Variants in KCNH7 observed in about 807,000 individuals in gnomAD.
KCNH7 encodes voltage-gated inwardly rectifying potassium channel KCNH7.
A neutral mutation model predicts 120.8 loss-of-function variants in KCNH7; 49 were observed. That is an observed-to-expected ratio of 0.41 (90% confidence interval 0.32 to 0.51). The LOEUF is 0.51. Among genes scored for constraint, KCNH7 ranks in the 20% least tolerant of loss-of-function variants. The pLI, the probability that KCNH7 is intolerant of heterozygous loss-of-function variation, is 0.38. For synonymous variants in KCNH7, 547 were observed against 516.1 expected (o/e 1.06, Z -0.81); for missense variants, 1,097 against 1,446.6 (o/e 0.76, Z 3.92).
intron 2 of KCNH7, among the ~76,000 whole-genome samples, chr2:162,587,525 T>A (rs78952059): frequency 0.043 from 6,526 of 152,106 alleles, 276 homozygotes; most frequent in East Asian, 0.1. Context: ...TAGAATTTTT[T>A]TAAAAAAATA....
chr2:162,392,237 G>A (rs971719325), intron 12 of KCNH7, among the ~76,000 whole-genome samples: 5 of 151,782 alleles, frequency 3.3e-5, no homozygotes, highest in African/African-American at 1.2e-4. Flanking sequence ...GATAAAAAAA[G>A]TAATTTTAGT....
At chr2:162,583,666 A>G (rs1303328471) in intron 2 of KCNH7, among the ~76,000 whole-genome samples, 1 of 152,136 alleles carries the variant, frequency 6.6e-6, no homozygotes, top group African/African-American at 2.4e-5. Flanking sequence ...ACAGTTCCTA[A>G]CAGATTTATA....
At chr2:162,736,891 T>C (rs1039928824) in intron 2 of KCNH7, among the ~76,000 whole-genome samples, 7 of 152,170 alleles carry the variant, frequency 4.6e-5, no homozygotes, top group African/African-American at 9.7e-5. Flanking sequence ...ACTTTTTTTT[T>C]CCTGAGGATT....
At chr2:162,510,837 C>T (rs1243932826) in intron 5 of KCNH7, among the ~76,000 whole-genome samples, 1 of 151,608 alleles carries the variant, frequency 6.6e-6, no homozygotes, top group African/African-American at 2.4e-5. Flanking sequence ...GAGGCAGACA[C>T]TTAAACATTG....
intron 6 of KCNH7, among the ~76,000 whole-genome samples, chr2:162,467,052 C>T (rs1468625569): frequency 1.3e-5 from 2 of 152,082 alleles, no homozygotes; most frequent in African/African-American, 2.4e-5. Context: ...TTTCCTATGA[C>T]AGTGGGAGGC....
chr2:162,604,559 A>ATATGT (rs1358568323), intron 2 of KCNH7, among the ~76,000 whole-genome samples: 1 of 151,968 alleles, frequency 6.6e-6, no homozygotes, highest in African/African-American at 2.4e-5. Flanking sequence ...TATACTTTAT[A>ATATGT]GGCAATATAC....
rs778850116 is a variant in KCNH7, at chr2:162,435,241, C to T, written c.1911G>A (p.Thr637=). 5 of 1,613,290 alleles carry T rather than the reference C, an allele frequency of 3.1e-6. No individual in the cohort carries two copies. In the South Asian group the frequency reaches 4.4e-5, roughly 14 times the overall value. Residue 637 remains threonine (T), a synonymous_variant, in exon 8 of 16, where the codon ACG becomes ACA. Transcript: ENST00000332142. ...SVGFGNVSPN[T]NSEKIFSICV... ...AAATTGAAAAGATTTTCTCCGAATT[C>T]GTGTTAGGAGACACATTCCCGAATC...
chr2:162,821,691 T>C (rs1475616330), intron 2 of KCNH7, among the ~76,000 whole-genome samples: 4 of 152,246 alleles, frequency 2.6e-5, no homozygotes, highest in Admixed American at 1.3e-4. Context: ...AGAATCTTGC[T>C]TTGGATAATA....
At chr2:162,461,863 A>G (rs75601497) in intron 6 of KCNH7, among the ~76,000 whole-genome samples, 1,609 of 152,256 alleles carry the variant, frequency 0.011, 25 homozygotes, top group African/African-American at 0.037. Flanking sequence ...TACCTGTCAT[A>G]AAGAAAATGG....
intron 2 of KCNH7, among the ~76,000 whole-genome samples, chr2:162,541,262 T>C (rs996640279): frequency 3.9e-5 from 6 of 152,054 alleles, no homozygotes; most frequent in Non-Finnish European, 8.8e-5. Flanking sequence ...GTATAAGGAC[T>C]GGATGAGGTC....
chr2:162,565,756 A>G (rs903370815), intron 2 of KCNH7, among the ~76,000 whole-genome samples: 9 of 152,066 alleles, frequency 5.9e-5, no homozygotes, highest in African/African-American at 1.9e-4. Flanking sequence ...ATAAAGTTTC[A>G]CCATCTGAAA....
chr2:162,712,586 A>C (rs1053296660), intron 2 of KCNH7, among the ~76,000 whole-genome samples: 1 of 152,214 alleles, frequency 6.6e-6, no homozygotes, highest in African/African-American at 2.4e-5. Flanking sequence ...TTTAAAACAA[A>C]GGAAGATGAC....
chr2:162,482,849 G>A (rs1245489085), intron 6 of KCNH7, among the ~76,000 whole-genome samples: 2 of 152,118 alleles, frequency 1.3e-5, no homozygotes, highest in African/African-American at 2.4e-5. Flanking sequence ...ATATAAAACT[G>A]AAAGTGTATA....
At chr2:162,486,382 C>T (rs1690095361) in intron 6 of KCNH7, among the ~76,000 whole-genome samples, 1 of 152,164 alleles carries the variant, frequency 6.6e-6, no homozygotes, top group Non-Finnish European at 1.5e-5. Context: ...CATTACTCTG[C>T]AGCCCACATT....
At chr2:162,829,436 G>A (rs1308468385) in intron 2 of KCNH7, among the ~76,000 whole-genome samples, 1 of 152,110 alleles carries the variant, frequency 6.6e-6, no homozygotes, top group Non-Finnish European at 1.5e-5. Context: ...AATGCCAATA[G>A]AGTGTGTAAC....
chr2:162,804,766 C>CAAA (rs200041293), intron 2 of KCNH7, among the ~76,000 whole-genome samples: 2,209 of 143,448 alleles, frequency 0.015, 49 homozygotes, highest in African/African-American at 0.049. Context: ...CATATGGAAC[C>CAAA]AAAAAAAAAA....
chr2:162,739,472 G>C (rs1167284057), intron 2 of KCNH7, among the ~76,000 whole-genome samples: 3 of 152,112 alleles, frequency 2.0e-5, no homozygotes, highest in African/African-American at 4.8e-5. Context: ...CTACCTGCTG[G>C]TTTTGCACCT....
At chr2:162,542,153 A>ATC (rs945181718) in intron 2 of KCNH7, among the ~76,000 whole-genome samples, 1 of 151,214 alleles carries the variant, frequency 6.6e-6, no homozygotes, top group Non-Finnish European at 1.5e-5. Context: ...ACTATTCTAT[A>ATC]TCTCTCTTTT....
chr2:162,783,147 C>T (rs955402580), intron 2 of KCNH7, among the ~76,000 whole-genome samples: 3 of 152,172 alleles, frequency 2.0e-5, no homozygotes, highest in Non-Finnish European at 4.4e-5. Flanking sequence ...TTCCTACAGA[C>T]ATCTCTACAA....
Sources: gnomAD v4.1 joint callset for allele counts (sites outside exome capture counted in the v4.1 genomes callset) on GRCh38, gnomAD v4.1.1 for gene constraint, MANE v1.5 for transcripts, NCBI Gene and HGNC (gene_info 2026-07-23, HGNC 2026-07-21) for gene names.